The following CACNB2 variants were observed in gnomAD, a reference collection of about 807,000 sequenced individuals.
CACNB2 encodes the protein voltage-dependent L-type calcium channel subunit beta-2.
Under a neutral mutation model 73.3 loss-of-function variants are expected in CACNB2, and 42 were observed. The ratio of observed to expected loss-of-function variants is 0.57; its 90% confidence interval spans 0.45 to 0.74. The LOEUF is 0.74. Ranked by LOEUF, CACNB2 falls within the 30% of genes least tolerant of loss-of-function variation. The pLI is 0.00. For synonymous variants in CACNB2, 348 were observed against 310.3 expected (o/e 1.12, Z -1.28); for missense variants, 940 against 853.0 (o/e 1.10, Z -1.27).
intron 3 of CACNB2, among the ~76,000 whole-genome samples, chr10:18,433,411 A>G (rs1412708179): frequency 6.6e-6 from 1 of 152,208 alleles, no homozygotes; most frequent in Non-Finnish European, 1.5e-5. Context: ...TGGATTAAGC[A>G]TCCAGTTTTG....
chr10:18,453,774 C>T (rs370189503), intron 3 of CACNB2, among the ~76,000 whole-genome samples: 2 of 152,122 alleles, frequency 1.3e-5, no homozygotes, highest in Non-Finnish European at 2.9e-5. Context: ...GGGTCACAGG[C>T]GTGCACCACC....
At chr10:18,220,232 T>TATATAGAGAGAG (rs1488872721) in intron 2 of CACNB2, among the ~76,000 whole-genome samples, 1 of 25,094 alleles carries the variant, frequency 4.0e-5, no homozygotes, top group Non-Finnish European at 6.2e-5. Context: ...TATATATATA[T>TATATAGAGAGAG]AGAGAGAGAG....
intron 2 of CACNB2, among the ~76,000 whole-genome samples, chr10:18,196,933 A>G (rs998834026): frequency 4.6e-5 from 7 of 151,788 alleles, no homozygotes; most frequent in African/African-American, 1.7e-4. Flanking sequence ...TTTTCTTGCT[A>G]TTGTTGAATT....
intron 2 of CACNB2, among the ~76,000 whole-genome samples, chr10:18,337,031 A>C (rs1285568935): frequency 6.6e-6 from 1 of 152,226 alleles, no homozygotes; most frequent in Non-Finnish European, 1.5e-5. Flanking sequence ...AGTTTCTTCT[A>C]AATATTTTTA....
At chr10:18,325,851 C>T (rs1366447224) in intron 2 of CACNB2, among the ~76,000 whole-genome samples, 1 of 151,886 alleles carries the variant, frequency 6.6e-6, no homozygotes, top group Admixed American at 6.6e-5. Context: ...CTCAAGCCAA[C>T]CTCTCACCTC....
At chr10:18,245,998 G>C (rs2036844481) in intron 2 of CACNB2, among the ~76,000 whole-genome samples, 1 of 152,170 alleles carries the variant, frequency 6.6e-6, no homozygotes, top group African/African-American at 2.4e-5. Flanking sequence ...GGTCAGAAAG[G>C]ATTCTGTTGG....
chr10:18,472,877 T>A (rs1333115950), intron 3 of CACNB2, among the ~76,000 whole-genome samples: 2 of 152,120 alleles, frequency 1.3e-5, no homozygotes, highest in Non-Finnish European at 2.9e-5. Flanking sequence ...GCCATTTCAG[T>A]TTATTAGGTT....
chr10:18,485,654 C>T (rs374868824), intron 3 of CACNB2, among the ~76,000 whole-genome samples: 8 of 150,904 alleles, frequency 5.3e-5, no homozygotes, highest in South Asian at 4.2e-4. Flanking sequence ...CTCCACCTCC[C>T]GGGCTTAAGT....
At chr10:18,501,780 C>G (rs2050205725) in intron 5 of CACNB2, among the ~76,000 whole-genome samples, 1 of 152,176 alleles carries the variant, frequency 6.6e-6, no homozygotes, top group African/African-American at 2.4e-5. Flanking sequence ...TTACTGTGAG[C>G]AAGTATTTTT....
chr10:18,346,247 C>T (rs1414456931), intron 2 of CACNB2, among the ~76,000 whole-genome samples: 1 of 151,860 alleles, frequency 6.6e-6, no homozygotes, highest in South Asian at 2.1e-4. Flanking sequence ...TCAAACGATT[C>T]TCCTGCCTCA....
intron 2 of CACNB2, among the ~76,000 whole-genome samples, chr10:18,210,551 A>T (rs1046641536): frequency 6.6e-6 from 1 of 152,046 alleles, no homozygotes; most frequent in Non-Finnish European, 1.5e-5. Context: ...ACCTGGTTGG[A>T]TTGCTGGTTC....
At chr10:18,487,544 G>C (rs900238583) in intron 3 of CACNB2, among the ~76,000 whole-genome samples, 1 of 152,162 alleles carries the variant, frequency 6.6e-6, no homozygotes, top group Non-Finnish European at 1.5e-5. Context: ...CTCAAGATGA[G>C]TGATTTGTGG....
chr10:18,468,382 GC>G, intron 3 of CACNB2, among the ~76,000 whole-genome samples: 1 of 152,006 alleles, frequency 6.6e-6, no homozygotes, highest in Non-Finnish European at 1.5e-5. Flanking sequence ...AATCGCTTGA[GC>G]CTGGGAGGTG....
intron 2 of CACNB2, among the ~76,000 whole-genome samples, chr10:18,200,489 T>C (rs2034833582): frequency 6.6e-6 from 1 of 151,770 alleles, no homozygotes; most frequent in South Asian, 2.1e-4. Context: ...AGCATAAATA[T>C]AAATAATAAA....
chr10:18,523,894 G>A (rs772662277), intron 9 of CACNB2, among the ~76,000 whole-genome samples: 19 of 152,210 alleles, frequency 1.2e-4, no homozygotes, highest in Non-Finnish European at 2.1e-4. Context: ...TTAGTTATGC[G>A]AAAGGTTCTA....
At chr10:18,337,698 C>T (rs1250786064) in intron 2 of CACNB2, among the ~76,000 whole-genome samples, 1 of 152,106 alleles carries the variant, frequency 6.6e-6, no homozygotes, top group Non-Finnish European at 1.5e-5. Context: ...GACATAACCA[C>T]CATCCTGGAT....
At position 18,462,496 on chromosome 10, in the gene CACNB2, C is replaced by A. The variant is rs959262474; in HGVS notation, c.334-35859C>A. Among the ~76,000 whole-genome samples the A allele has an allele frequency of 2.0e-5, 3 of 151,930 alleles. No individual in the cohort carries two copies. In the South Asian group the frequency reaches 6.3e-4, roughly 32 times the overall value. ...CTCATAATTCCTGGGCTCAAGCTATCCTTCCACCTGGACCTCCCAAAGTGT... is the reference window on the plus strand; with the variant it reads ...CTCATAATTCCTGGGCTCAAGCTATACTTCCACCTGGACCTCCCAAAGTGT... On this transcript the variant is annotated intron_variant, in intron 3 of 13. Coordinates refer to ENST00000324631, the MANE Select transcript of CACNB2 (RefSeq NM_201596.3).
At chr10:18,262,834 T>TA (rs1277320025) in intron 2 of CACNB2, among the ~76,000 whole-genome samples, 1 of 152,216 alleles carries the variant, frequency 6.6e-6, no homozygotes, top group African/African-American at 2.4e-5. Flanking sequence ...AACAAATTTT[T>TA]ACCCTACTTA....
intron 2 of CACNB2, among the ~76,000 whole-genome samples, chr10:18,179,330 T>TAAAGGTCTTCCGTGCCTC (rs1375066817): frequency 1.3e-5 from 2 of 152,130 alleles, no homozygotes; most frequent in Non-Finnish European, 2.9e-5. Context: ...AGACCACTAA[T>TAAAGGTCTTCCGTGCCTC]AAAGGTCTTC....
Sources: allele counts gnomAD v4.1 joint callset (sites outside exome capture counted in the v4.1 genomes callset), GRCh38; gene constraint gnomAD v4.1.1; transcripts MANE v1.5; gene names NCBI Gene and HGNC (gene_info 2026-07-23, HGNC 2026-07-21).